EFCAB14: variants seen among roughly 807,000 people sequenced by gnomAD.
EFCAB14 encodes the protein EF-hand calcium binding domain 14, also known as EF-hand calcium-binding domain-containing protein 14.
Under a neutral mutation model 56.5 loss-of-function variants are expected in EFCAB14, and 43 were observed. The ratio of observed to expected loss-of-function variants is 0.76; its 90% CI spans 0.60 to 0.98. EFCAB14 has a LOEUF of 0.98. Ranked by LOEUF, EFCAB14 falls within the 50% of genes least tolerant of loss-of-function variation. EFCAB14 has a pLI of 0.00. For synonymous variants in EFCAB14, 235 were observed against 212.9 expected, an observed-to-expected ratio of 1.10 and a Z score of -0.90; for missense variants, 538 against 580.3, an observed-to-expected ratio of 0.93 and a Z score of 0.75.
At chr1:46,683,586 T>C (rs942494064) in intron 9 of EFCAB14, among the ~76,000 whole-genome samples, 161 bp from the exon 10 acceptor site, 10 of 152,228 alleles carry the variant, frequency 6.6e-5, no homozygotes, top group Non-Finnish European at 1.3e-4. Context: ...AAGGCTTGGA[T>C]TGAGACATAT....
At chr1:46,714,429 TA>T (rs796203292) in intron 2 of EFCAB14, among the ~76,000 whole-genome samples, 1,298 of 107,858 alleles carry the variant, frequency 0.012, 7 homozygotes, top group African/African-American at 0.024. Flanking sequence ...TCAGTGTTGC[TA>T]AAAAAAAAAA....
chr1:46,713,269 G>A (rs1677336663), intron 2 of EFCAB14, among the ~76,000 whole-genome samples: 3 of 152,060 alleles, frequency 2.0e-5, no homozygotes, highest in Admixed American at 2.0e-4. Context: ...CTATTGTAGC[G>A]AATCAAAGCC....
intron 3 of EFCAB14, among the ~76,000 whole-genome samples, chr1:46,703,364 T>G (rs962564802): frequency 1.3e-5 from 2 of 152,220 alleles, no homozygotes; most frequent in Non-Finnish European, 2.9e-5. Context: ...CACCTCGGCC[T>G]CCCAAAGTGC....
chr1:46,710,959 T>C (rs10159351), intron 2 of EFCAB14, among the ~76,000 whole-genome samples: 56,239 of 152,150 alleles, frequency 0.37, 11,621 homozygotes, highest in East Asian at 0.74. Context: ...TCCATATTGC[T>C]GAGAATGACA....
At position 46,678,344 on chromosome 1, in the gene EFCAB14, G is replaced by C. The variant is rs1676729058; in HGVS notation, c.*117C>G. On this transcript the variant is annotated 3_prime_UTR_variant, in exon 11 of 11. Coordinates refer to ENST00000371933, the MANE Select transcript of EFCAB14 (RefSeq NM_014774.3). The stretch of plus-strand genomic sequence containing the variant: ...GCTTCTTCAAACAAGTTAAAAGGTG[G>C]CAAAGTATCTGCTACAGTAGTTTGG... 3.8e-6 allele frequency: 4 copies of C among 1,046,262 alleles called. No homozygotes were observed. The African/African-American group carries it at 6.5e-5, about 17-fold the overall frequency. The allele number at this position is 1,046,262 out of a possible 1,614,324, so 64.8% of individuals were successfully genotyped here. A position where few individuals can be genotyped will look rare whatever the true frequency, so the allele number is the denominator to read the frequency against.
chr1:46,702,565 C>T (rs893954), intron 3 of EFCAB14, among the ~76,000 whole-genome samples: 147,226 of 152,152 alleles, frequency 0.97, 71,416 homozygotes, highest in East Asian at 1. Context: ...GGAGAGAACA[C>T]CTCCTACTTC....
rs116291836 is a variant in EFCAB14 at position 46,701,475 on chromosome 1, G to A, written c.481-4826C>T. ...AACTGGCCAGATCCTAAAGGAAGAAGCTGTTCTTTGGGTAAAAACTCTTCT... is the reference window on the plus strand; with the variant it reads ...AACTGGCCAGATCCTAAAGGAAGAAACTGTTCTTTGGGTAAAAACTCTTCT... On this transcript the variant is annotated intron_variant, in intron 3 of 10. Transcript: ENST00000371933. 8.9e-3 allele frequency among the ~76,000 whole-genome samples: 1,355 copies of A among 152,316 alleles called. 22 individuals carry two copies. Among genetic ancestry groups the A allele is most frequent in the African/African-American group, 0.032 (1,314 of 41,558 alleles).
At chr1:46,686,330 C>A (rs1360247809) in intron 8 of EFCAB14, among the ~76,000 whole-genome samples, 1 of 152,178 alleles carries the variant, frequency 6.6e-6, no homozygotes, top group Non-Finnish European at 1.5e-5. Context: ...AGATTAGACA[C>A]CATTTTTAGA....
intron 3 of EFCAB14, among the ~76,000 whole-genome samples, chr1:46,699,213 C>T (rs773880113): frequency 2.6e-5 from 4 of 152,170 alleles, no homozygotes; most frequent in Non-Finnish European, 4.4e-5. Flanking sequence ...AAACAGGCTT[C>T]GCTGAAGGAG....
intron 4 of EFCAB14, among the ~76,000 whole-genome samples, chr1:46,695,373 T>G (rs76974144): frequency 6.8e-6 from 1 of 147,572 alleles, no homozygotes; most frequent in Non-Finnish European, 1.5e-5. Context: ...CCCTTTTTTT[T>G]CCCCCCGAAT....
intron 2 of EFCAB14, among the ~76,000 whole-genome samples, chr1:46,712,329 T>C (rs577199096): frequency 8.3e-4 from 127 of 152,308 alleles, no homozygotes; most frequent in African/African-American, 2.9e-3. Flanking sequence ...AAGTCTTTCA[T>C]AGTGGAGTGA....
chr1:46,692,968 G>A (rs1677022584), intron 4 of EFCAB14, among the ~76,000 whole-genome samples: 1 of 152,164 alleles, frequency 6.6e-6, no homozygotes, highest in African/African-American at 2.4e-5. Flanking sequence ...CTGTGGGAAG[G>A]CAGATGGCCG....
In EFCAB14 at chr1:46,689,667, G is replaced by GA. The variant is rs756969890; in HGVS notation, c.714dup (p.Pro239SerfsTer17). On this transcript the variant is annotated frameshift_variant, in exon 6 of 11. Coordinates refer to ENST00000371933, the MANE Select transcript of EFCAB14 (RefSeq NM_014774.3). LOFTEE classifies it high-confidence loss of function. The stretch of plus-strand genomic sequence containing the variant: ...GACGGAATGATCTGGTTGCTTCCAG[G>GA]AGTCTCCTTCAAGAAGTGCTGATTC... 6.2e-7 allele frequency: 1 copy of GA among 1,613,730 alleles called. No individual in the cohort carries two copies. Among genetic ancestry groups the GA allele is most frequent in the East Asian group, 2.2e-5 (1 of 44,896 alleles).
chr1:46,680,742 T>A (rs1325445937), intron 10 of EFCAB14, among the ~76,000 whole-genome samples: 3 of 152,208 alleles, frequency 2.0e-5, no homozygotes, highest in African/African-American at 7.2e-5. Flanking sequence ...GGTATGTGAA[T>A]TGTATTTCAA....
chr1:46,718,328 T>G lies in EFCAB14; in HGVS notation c.-241A>C. The stretch of plus-strand genomic sequence containing the variant: ...CACATAGAAATGGCCAAGGAGCTGG[T>G]GACCCCAAAGGATAAGGCCTTGGGT... On this transcript the variant is annotated 5_prime_UTR_variant, in exon 1 of 11. Transcript: ENST00000371933. The G allele has an allele frequency of 2.1e-6, 1 of 477,400 alleles. No individual in the cohort carries two copies. Among genetic ancestry groups the G allele is most frequent in the South Asian group, 2.8e-5 (1 of 35,102 alleles). The allele number at this position is 477,400 out of a possible 1,614,324, so 29.6% of individuals were successfully genotyped here.
chr1:46,716,096 A>C (rs1195413636), intron 2 of EFCAB14, among the ~76,000 whole-genome samples, 199 bp downstream of exon 2: 1 of 151,620 alleles, frequency 6.6e-6, no homozygotes, highest in Admixed American at 6.6e-5. Context: ...AAAAAGACAA[A>C]AAAATTAGCT....
intron 10 of EFCAB14, among the ~76,000 whole-genome samples, chr1:46,681,134 T>C (rs1376763127): frequency 6.6e-6 from 1 of 152,162 alleles, no homozygotes; most frequent in Non-Finnish European, 1.5e-5. Context: ...AATTTTTGTA[T>C]TTTTTGTAGA....
intron 3 of EFCAB14, among the ~76,000 whole-genome samples, chr1:46,706,242 C>G (rs1324488585): frequency 6.6e-6 from 1 of 152,120 alleles, no homozygotes; most frequent in Admixed American, 6.5e-5. Context: ...TTTACAGTTT[C>G]CAAAAACCTA....
At chr1:46,708,076 C>T in intron 2 of EFCAB14, 25 bp from the exon 3 acceptor site, 3 of 1,602,348 alleles carry the variant, frequency 1.9e-6, no homozygotes, top group Non-Finnish European at 2.5e-6. Context: ...TAAGAACAAT[C>T]ATAACTAGCA....
Sources: gnomAD v4.1 joint callset for allele counts (sites outside exome capture counted in the v4.1 genomes callset) on GRCh38, gnomAD v4.1.1 for gene constraint, MANE v1.5 for transcripts, NCBI Gene and HGNC (gene_info 2026-07-23, HGNC 2026-07-21) for gene names.